LYST: variants seen among roughly 807,000 people sequenced by gnomAD.
The protein encoded by LYST is lysosomal trafficking regulator.
LYST carries 192 observed loss-of-function variants against 413.6 expected under a neutral mutation model. The ratio of observed to expected loss-of-function variants is 0.46; its 90% CI spans 0.41 to 0.52. The LOEUF is 0.52. Among genes scored for constraint, LYST ranks in the 20% least tolerant of loss-of-function variants. The probability of loss-of-function intolerance (pLI) is 0.00; values close to 1 mark genes in which losing one functional copy is unlikely to be tolerated. For synonymous variants in LYST, 1,525 were observed against 1,567.3 expected (o/e 0.97, Z 0.64); for missense variants, 3,815 against 4,499.9 (o/e 0.85, Z 4.35).
intron 31 of LYST, chr1:235,738,672 G>A (rs1400810661): frequency 1.2e-6 from 2 of 1,607,112 alleles, no homozygotes; most frequent in African/African-American, 2.7e-5. Context: ...CATAGATAAG[G>A]AACAGTGGAA....
chr1:235,803,166 T>C, intron 7 of LYST, 102 bp from the exon 8 acceptor site: 1 of 963,308 alleles, frequency 1.0e-6, no homozygotes, highest in Non-Finnish European at 1.6e-6. Flanking sequence ...AATATTTTCT[T>C]GAAGAAAAAA....
chr1:235,792,928 T>C (rs975847167), intron 11 of LYST, among the ~76,000 whole-genome samples: 12 of 152,158 alleles, frequency 7.9e-5, no homozygotes, highest in African/African-American at 2.9e-4. Flanking sequence ...CCTCACAAAG[T>C]GCTGGGATTA....
chr1:235,738,389 T>G, intron 31 of LYST: 1 of 1,613,380 alleles, frequency 6.2e-7, no homozygotes, highest in Non-Finnish European at 8.5e-7. Context: ...CAGCCCGAAC[T>G]GCAAGTTGCT....
chr1:235,669,982 C>T (rs954709350), intron 50 of LYST, among the ~76,000 whole-genome samples: 4 of 152,168 alleles, frequency 2.6e-5, no homozygotes. Context: ...AGGAGCACTT[C>T]TGGGTTGGTG....
At chr1:235,752,220 A>G (rs753458872) in intron 26 of LYST, 49 bp from the exon 27 acceptor site, 7 of 1,404,728 alleles carry the variant, frequency 5.0e-6, no homozygotes, top group South Asian at 1.2e-5. Flanking sequence ...AAGAAAAAGA[A>G]CAAATAATTT....
intron 11 of LYST, among the ~76,000 whole-genome samples, 197 bp from the exon 12 acceptor site, chr1:235,792,322 C>CT (rs1019479378): frequency 1.3e-3 from 194 of 149,084 alleles, no homozygotes; most frequent in African/African-American, 4.3e-3. Flanking sequence ...AGATTTCATT[C>CT]TTTTTTTTTT....
At chr1:235,838,556 T>C (rs1282381237) in intron 1 of LYST, among the ~76,000 whole-genome samples, 1 of 152,240 alleles carries the variant, frequency 6.6e-6, no homozygotes, top group South Asian at 2.1e-4. Flanking sequence ...GAGTCTTTTG[T>C]GGAAGTAACA....
At chr1:235,732,215 T>C (rs1664448381) in intron 34 of LYST, among the ~76,000 whole-genome samples, 1 of 152,262 alleles carries the variant, frequency 6.6e-6, no homozygotes, top group Non-Finnish European at 1.5e-5. Flanking sequence ...TGCATTGTAA[T>C]GTATTTAACC....
intron 1 of LYST, among the ~76,000 whole-genome samples, chr1:235,864,262 T>C (rs990510304): frequency 1.1e-4 from 16 of 152,172 alleles, no homozygotes; most frequent in African/African-American, 3.6e-4. Flanking sequence ...TTACTTACCA[T>C]TCTTAAACAA....
Position 235,830,364 on chromosome 1 carries a change from C to G in LYST, c.54G>C (p.Arg18=), listed in dbSNP as rs779559728. The G allele has an allele frequency of 9.3e-6, 15 of 1,613,654 alleles. No homozygotes were observed. The highest frequency in any genetic ancestry group is 1.3e-5 in the Non-Finnish European group (15 of 1,179,908). Residue 18 remains arginine, a synonymous_variant, in exon 3 of 53, where the codon CGG becomes CGC. Transcript: ENST00000389793. ...CCCTCTGGACCACTGCATTGCAAAG[C>G]CGGTTGACATCGGTCAGAAATTCAC... ...LAREFLTDVN[R]LCNAVVQRVE... is the part of the protein sequence containing the mutation.
intron 44 of LYST, among the ~76,000 whole-genome samples, chr1:235,706,582 G>A: frequency 6.6e-6 from 1 of 152,078 alleles, no homozygotes; most frequent in East Asian, 1.9e-4. Flanking sequence ...TTGTTAATCT[G>A]GGTTTTTGTT....
intron 1 of LYST, among the ~76,000 whole-genome samples, chr1:235,838,773 ATC>A (rs1676851428): frequency 6.6e-6 from 1 of 152,036 alleles, no homozygotes; most frequent in Non-Finnish European, 1.5e-5. Context: ...CTCCTCCCCA[ATC>A]TTGGGCTTCA....
chr1:235,677,352 C>A, intron 49 of LYST, 128 bp downstream of exon 49: 3 of 1,164,760 alleles, frequency 2.6e-6, no homozygotes, highest in Non-Finnish European at 3.8e-6. Context: ...AATCTTACTA[C>A]CTTTAAGCAT....
Position 235,730,567 on chromosome 1 carries a change from ATGTGTGTGTGTG to A in LYST, c.9044+268_9044+279del, listed in dbSNP as rs4006790. Among the ~76,000 whole-genome samples, 475 of 137,618 alleles carry A rather than the reference ATGTGTGTGTGTG, an allele frequency of 3.5e-3. 1 individual carries two copies. The highest frequency in any genetic ancestry group is 4.6e-3 in the Non-Finnish European group (297 of 63,980). The allele number at this position is 137,618 out of a possible 152,430, so 90.3% of individuals were successfully genotyped here. A position where few individuals can be genotyped will look rare whatever the true frequency, so the allele number is the denominator to read the frequency against. On this transcript the variant is annotated intron_variant, in intron 36 of 52. Coordinates refer to ENST00000389793, the MANE Select transcript of LYST (RefSeq NM_000081.4). ...TATGTGTATATATATACATATTTATATGTGTGTGTGTGTGTGTGTGTGTGTGTGTGTGTGTGT... is the reference window on the plus strand; with the variant it reads ...TATGTGTATATATATACATATTTATATGTGTGTGTGTGTGTGTGTGTGTGT...
At chr1:235,799,852 T>G (rs1672001678) in intron 10 of LYST, among the ~76,000 whole-genome samples, 1 of 150,448 alleles carries the variant, frequency 6.6e-6, no homozygotes, top group Admixed American at 6.7e-5. Context: ...TTTCATTGTG[T>G]GGATCTGAGG....
chr1:235,690,834 G>A (rs1023981978), intron 47 of LYST, among the ~76,000 whole-genome samples: 1 of 152,150 alleles, frequency 6.6e-6, no homozygotes, highest in Non-Finnish European at 1.5e-5. Context: ...CAAAAAAGAA[G>A]GCTGTCCATA....
chr1:235,698,909 T>C (rs1011505441), intron 45 of LYST, among the ~76,000 whole-genome samples: 3 of 151,862 alleles, frequency 2.0e-5, no homozygotes, highest in Non-Finnish European at 4.4e-5. Context: ...AATCAACAAA[T>C]AAAGTTGAGA....
At chr1:235,689,139 T>C (rs1660456912) in intron 47 of LYST, among the ~76,000 whole-genome samples, 1 of 151,958 alleles carries the variant, frequency 6.6e-6, no homozygotes, top group Non-Finnish European at 1.5e-5. Context: ...GAAAATGCAA[T>C]ATAGTATTCT....
chr1:235,868,022 G>A (rs1572504846), upstream of LYST, among the ~76,000 whole-genome samples: 1 of 152,146 alleles, frequency 6.6e-6, no homozygotes, highest in East Asian at 1.9e-4. Context: ...GCGTTAAGTT[G>A]CCCACTGATG....
Sources: allele counts gnomAD v4.1 joint callset (sites outside exome capture counted in the v4.1 genomes callset), GRCh38; gene constraint gnomAD v4.1.1; transcripts MANE v1.5; gene names NCBI Gene and HGNC (gene_info 2026-07-23, HGNC 2026-07-21).